The following FAM149A variants were observed in gnomAD, a reference collection of about 807,000 sequenced individuals.
FAM149A encodes the protein family with sequence similarity 149 member A.
A neutral mutation model predicts 78.2 loss-of-function variants in FAM149A; 71 were observed. The ratio of observed to expected loss-of-function variants is 0.91; its 90% CI spans 0.75 to 1.11. The LOEUF (loss-of-function observed/expected upper bound fraction) is 1.11, where lower values mean the gene tolerates loss of function less well. Among genes scored for constraint, FAM149A ranks in the 50% least tolerant of loss-of-function variants. FAM149A has a pLI of 0.00. For synonymous variants in FAM149A, 446 were observed against 410.5 expected (o/e 1.09, Z -1.04); for missense variants, 1,036 against 971.0 (o/e 1.07, Z -0.89).
chr4:186,169,345 G>A, intron 13 of FAM149A: 1 of 985,416 alleles, frequency 1.0e-6, no homozygotes, highest in Non-Finnish European at 1.2e-6. Flanking sequence ...AGAGAACGCG[G>A]CTCAAAGGCG....
At chr4:186,107,675 C>T (rs1309870281) in intron 1 of FAM149A, 1 of 152,466 alleles carries the variant, frequency 6.6e-6, no homozygotes, top group Non-Finnish European at 1.5e-5. Context: ...ATCTTCCCAC[C>T]TGGGCATTGC....
At chr4:186,143,177 G>C (rs1554069099) in intron 1 of FAM149A, among the ~76,000 whole-genome samples, 2 of 93,072 alleles carry the variant, frequency 2.1e-5, no homozygotes, top group African/African-American at 3.9e-5. Flanking sequence ...TTTTTTTTGA[G>C]ACAAGAGTCT....
At chr4:186,108,117 T>G (rs2099309532) in intron 1 of FAM149A, among the ~76,000 whole-genome samples, 1 of 152,216 alleles carries the variant, frequency 6.6e-6, no homozygotes, top group Non-Finnish European at 1.5e-5. Flanking sequence ...CCATCTCATC[T>G]GTCACTTGGC....
rs1732870627 is a variant in FAM149A, at chr4:186,144,819, A to T, written c.567-4354A>T. ...GGCGCAGCGCAGGGAGGAGGAGGGG[A>T]GGCGGCGCCGGCGCGGGCGGGGCGG... is the stretch of plus-strand genomic sequence containing the variant. On this transcript the variant is annotated intron_variant, in intron 1 of 13. Coordinates refer to ENST00000389354, the MANE Select transcript of FAM149A (RefSeq NM_001367768.3). The surrounding 1 kb of genome is among the most constrained non-coding windows in gnomAD (Gnocchi z 4.2). 1.0e-6 allele frequency: 1 copy of T among 978,650 alleles called. No homozygotes were observed. The highest frequency in any genetic ancestry group is 1.2e-6 in the Non-Finnish European group (1 of 827,520). The allele number at this position is 978,650 out of a possible 1,614,324, so 60.6% of individuals were successfully genotyped here.
At position 186,144,956 on chromosome 4, in the gene FAM149A, CGGGCGG is replaced by C. The variant is rs1561400845; in HGVS notation, c.567-4215_567-4210del. The C allele has an allele frequency of 3.1e-6, 3 of 960,114 alleles. No individual in the cohort carries two copies. Among genetic ancestry groups the C allele is most frequent in the South Asian group, 4.8e-5 (1 of 20,638 alleles). 59.5% of individuals were successfully genotyped at this position (960,114 alleles called of 1,614,324 possible). A position where few individuals can be genotyped will look rare whatever the true frequency, so the allele number is the denominator to read the frequency against. ...GCGGGCGCGGGCGCGGGCGCGGGCGCGGGCGGGTGGGGAGCCCCAGCCCCGGGGCCG... is the reference window on the plus strand; with the variant it reads ...GCGGGCGCGGGCGCGGGCGCGGGCGCGTGGGGAGCCCCAGCCCCGGGGCCG... On this transcript the variant is annotated intron_variant, in intron 1 of 13. Coordinates refer to ENST00000389354, the MANE Select transcript of FAM149A (RefSeq NM_001367768.3). The surrounding 1 kb of genome is among the most constrained non-coding windows in gnomAD (Gnocchi z 4.2).
At chr4:186,155,047 C>G (rs1579896999) in intron 6 of FAM149A, 1 of 567,668 alleles carries the variant, frequency 1.8e-6, no homozygotes, top group African/African-American at 2.0e-5. Context: ...ACTGCAAACT[C>G]CGCCTCCCGG....
chr4:186,130,293 C>CTCTCTCTCTCTATATATATATA, intron 1 of FAM149A: 21 of 46,580 alleles, frequency 4.5e-4, no homozygotes, highest in Non-Finnish European at 5.8e-4. Flanking sequence ...CTCTCTCTCT[C>CTCTCTCTCTCTATATATATATA]TATATATATA....
rs370480687 is a variant in FAM149A, at chr4:186,174,268, T to C, written c.*2281T>C. Among the ~76,000 whole-genome samples the C allele has an allele frequency of 1.8e-4, 20 of 110,742 alleles. 5 individuals are homozygous for C. The East Asian group carries it at 4.1e-3, about 22-fold the overall frequency. The allele number at this position is 110,742 out of a possible 152,430, so 72.7% of individuals were successfully genotyped here. On this transcript the variant is annotated 3_prime_UTR_variant, in exon 14 of 14. Coordinates refer to ENST00000389354, the MANE Select transcript of FAM149A (RefSeq NM_001367768.3). Reference sequence around the variant, plus strand: ...CCCTTTGATAGGCCCTAGTGTGTGCTGTTCCCCTCTGTGTCCATGTGTTCT... The same window carrying C: ...CCCTTTGATAGGCCCTAGTGTGTGCCGTTCCCCTCTGTGTCCATGTGTTCT...
At chr4:186,153,035 T>C (rs1046305439) in intron 4 of FAM149A, among the ~76,000 whole-genome samples, 2 of 152,072 alleles carry the variant, frequency 1.3e-5, no homozygotes, top group Non-Finnish European at 2.9e-5. Context: ...TTTTTTTTTT[T>C]CTTTTCAACC....
chr4:186,163,003 T>A, intron 9 of FAM149A, 55 bp downstream of exon 9: 3 of 1,024,746 alleles, frequency 2.9e-6, no homozygotes, highest in South Asian at 1.3e-5. Context: ...CTGCAAACAC[T>A]GGAGCACTGA....
chr4:186,133,491 G>A (rs1443950683), intron 1 of FAM149A, among the ~76,000 whole-genome samples: 1 of 152,132 alleles, frequency 6.6e-6, no homozygotes, highest in Admixed American at 6.5e-5. Flanking sequence ...ATTTCACTTA[G>A]CGTAAAGATT....
chr4:186,142,311 G>A (rs7681979), intron 1 of FAM149A, among the ~76,000 whole-genome samples: 18,971 of 152,046 alleles, frequency 0.12, 2,353 homozygotes, highest in African/African-American at 0.32. Context: ...TCTCTAGTTC[G>A]CAGGTCTTCA....
chr4:186,108,830 G>C (rs1328788658), intron 1 of FAM149A, among the ~76,000 whole-genome samples: 1 of 151,454 alleles, frequency 6.6e-6, no homozygotes, highest in Non-Finnish European at 1.5e-5. Flanking sequence ...ACCTTGTAAA[G>C]GTCTTATTCT....
chr4:186,162,276 C>T (rs545041165), intron 8 of FAM149A, among the ~76,000 whole-genome samples: 13 of 152,166 alleles, frequency 8.5e-5, no homozygotes, highest in African/African-American at 3.1e-4. Context: ...GCCATCTCAC[C>T]GCTTCTGGGA....
intron 8 of FAM149A, chr4:186,158,812 C>A: frequency 9.9e-7 from 1 of 1,008,568 alleles, no homozygotes; most frequent in South Asian, 4.0e-5. Context: ...TGCTCAGGCC[C>A]CTGAATGAGG....
At chr4:186,134,136 ACTTT>A (rs771639500) in intron 1 of FAM149A, among the ~76,000 whole-genome samples, 13 of 152,156 alleles carry the variant, frequency 8.5e-5, no homozygotes, top group Non-Finnish European at 1.8e-4. Context: ...ACCAAAACTT[ACTTT>A]CTTTATCTCT....
In FAM149A at chr4:186,116,650, G is replaced by T. The variant is rs180678278; in HGVS notation, c.566+11008G>T. ...CACTCTGTCACCAGGCTGGCTGGAG[G>T]GCAGCGGCACGATCTCGGCTCACTG... On this transcript the variant is annotated intron_variant, in intron 1 of 13. Coordinates refer to ENST00000389354, the MANE Select transcript of FAM149A (RefSeq NM_001367768.3). The T allele has an allele frequency of 1.4e-4, 140 of 968,714 alleles. No individual in the cohort carries two copies. In the African/African-American group the frequency reaches 2.4e-3, roughly 16 times the overall value. The allele number at this position is 968,714 out of a possible 1,614,324, so 60.0% of individuals were successfully genotyped here.
intron 8 of FAM149A, among the ~76,000 whole-genome samples, chr4:186,161,650 C>G (rs1734617325): frequency 6.6e-6 from 1 of 152,006 alleles, no homozygotes. Flanking sequence ...GAAGCTGAGG[C>G]ATTTTTTAAA....
intron 7 of FAM149A, among the ~76,000 whole-genome samples, chr4:186,157,330 T>C (rs920342152): frequency 6.6e-6 from 1 of 152,218 alleles, no homozygotes; most frequent in African/African-American, 2.4e-5. Context: ...GGCTTTATCA[T>C]GTGCTGAGAA....
Sources: allele counts gnomAD v4.1 joint callset (sites outside exome capture counted in the v4.1 genomes callset), GRCh38; gene constraint gnomAD v4.1.1; non-coding constraint Gnocchi (gnomAD v3.1); transcripts MANE v1.5; gene names NCBI Gene and HGNC (gene_info 2026-07-23, HGNC 2026-07-21).